EXTL3: variants seen among roughly 807,000 people sequenced by gnomAD.
EXTL3 encodes the protein exostosin like glycosyltransferase 3, also known as exostosin-like 3.
A neutral mutation model predicts 69.3 loss-of-function variants in EXTL3; 27 were observed. The observed-to-expected ratio is 0.39, with a 90% CI of 0.29 to 0.54. The LOEUF (loss-of-function observed/expected upper bound fraction) is 0.54, where lower values mean the gene tolerates loss of function less well. Among genes scored for constraint, EXTL3 ranks in the 20% least tolerant of loss-of-function variants. The probability of loss-of-function intolerance (pLI) is 0.69; values close to 1 mark genes in which losing one functional copy is unlikely to be tolerated. For synonymous variants in EXTL3, 511 were observed against 499.4 expected, an observed-to-expected ratio of 1.02 and a Z score of -0.31; for missense variants, 1,003 against 1,231.8, an observed-to-expected ratio of 0.81 and a Z score of 2.78.
intron 1 of EXTL3, among the ~76,000 whole-genome samples, chr8:28,650,202 A>G (rs1806896356): frequency 6.7e-6 from 1 of 149,968 alleles, no homozygotes; most frequent in African/African-American, 2.5e-5. Flanking sequence ...TCTCAGGAAA[A>G]AAAAAAAAAA....
intron 1 of EXTL3, among the ~76,000 whole-genome samples, chr8:28,651,249 G>A (rs957832054): frequency 2.6e-5 from 4 of 152,048 alleles, no homozygotes; most frequent in African/African-American, 7.2e-5. Context: ...TATTTTCCTA[G>A]GCTTCATCTA....
chr8:28,654,410 G>T (rs1054889169), intron 1 of EXTL3, among the ~76,000 whole-genome samples: 1 of 152,018 alleles, frequency 6.6e-6, no homozygotes, highest in Admixed American at 6.6e-5. Flanking sequence ...ACAGGATCTT[G>T]CTTTGTTGCC....
At chr8:28,708,266 G>C (rs1048333017) in intron 1 of EXTL3, among the ~76,000 whole-genome samples, 1 of 152,072 alleles carries the variant, frequency 6.6e-6, no homozygotes, top group Non-Finnish European at 1.5e-5. Context: ...AGGATGTTCT[G>C]TTTCCCTTTT....
chr8:28,747,269 C>T (rs1334211883), intron 6 of EXTL3, among the ~76,000 whole-genome samples: 4 of 152,166 alleles, frequency 2.6e-5, no homozygotes. Context: ...TCAGTGCTGA[C>T]GTGATCCCGA....
chr8:28,716,685 A>T lies in EXTL3; in HGVS notation c.626A>T (p.Tyr209Phe), dbSNP rs747851404. 6.2e-7 allele frequency: 1 copy of T among 1,614,166 alleles called. No individual in the cohort carries two copies. Among genetic ancestry groups the T allele is most frequent in the Non-Finnish European group, 8.5e-7 (1 of 1,180,028 alleles). ...AGTGACCAGTTTGTCTTTGGCAGCT[A>T]CCTGGATCCCTTGGTCAAGCAGGCT... is the stretch of plus-strand genomic sequence containing the variant. ...YDSDQFVFGS[Y>F]LDPLVKQAFQ... is the part of the protein sequence containing the mutation. Residue 209 changes from tyrosine (Y) to phenylalanine (F), a missense_variant, in exon 3 of 7, where the codon TAC becomes TTC. Transcript: ENST00000220562. The surrounding 1 kb of genome is among the most constrained non-coding windows in gnomAD (Gnocchi z 7.1).
chr8:28,627,320 C>G (rs983707489), intron 1 of EXTL3, among the ~76,000 whole-genome samples: 1 of 151,964 alleles, frequency 6.6e-6, no homozygotes, highest in Admixed American at 6.6e-5. Context: ...CAAAACTCGT[C>G]TCTACAAAAA....
chr8:28,709,160 A>G (rs2299563), intron 1 of EXTL3, among the ~76,000 whole-genome samples: 23,061 of 152,220 alleles, frequency 0.15, 1,789 homozygotes, highest in South Asian at 0.22. Context: ...ACCACATAAC[A>G]TGGGTGACCC....
At chr8:28,703,028 A>T (rs1250621644) in intron 1 of EXTL3, among the ~76,000 whole-genome samples, 1 of 152,218 alleles carries the variant, frequency 6.6e-6, no homozygotes, top group Non-Finnish European at 1.5e-5. Context: ...ATATTTTGTG[A>T]TGAAAGAAAA....
At chr8:28,628,331 C>T (rs182435293) in intron 1 of EXTL3, among the ~76,000 whole-genome samples, 3 of 152,092 alleles carry the variant, frequency 2.0e-5, no homozygotes, top group Non-Finnish European at 4.4e-5. Context: ...CACTGCACTC[C>T]AGCCTGGGCA....
chr8:28,748,690 C>T lies in EXTL3; in HGVS notation c.2551-1967C>T, dbSNP rs77597294. On this transcript the variant is annotated intron_variant, in intron 6 of 6. Transcript: ENST00000220562. Reference sequence around the variant, plus strand: ...AATGGAGATCTCCTACCCGTTGCCCCGGGGAGATGACACATACCTTGTTTA... The same window carrying T: ...AATGGAGATCTCCTACCCGTTGCCCTGGGGAGATGACACATACCTTGTTTA... Among the ~76,000 whole-genome samples, 224 of 152,216 alleles carry T rather than the reference C, an allele frequency of 1.5e-3. 2 individuals are homozygous for T. Among genetic ancestry groups the T allele is most frequent in the African/African-American group, 5.0e-3 (207 of 41,530 alleles).
intron 1 of EXTL3, among the ~76,000 whole-genome samples, chr8:28,630,147 A>G (rs1448723502): frequency 1.3e-5 from 2 of 152,100 alleles, no homozygotes; most frequent in Admixed American, 6.5e-5. Flanking sequence ...GGTGGGAGGT[A>G]ATTGATACAT....
At chr8:28,714,053 C>T (rs1284512057) in intron 2 of EXTL3, among the ~76,000 whole-genome samples, 2 of 151,806 alleles carry the variant, frequency 1.3e-5, no homozygotes, top group African/African-American at 2.4e-5. Flanking sequence ...ATTACAGTTG[C>T]GTGCCACCAC....
At chr8:28,619,500 C>T (rs965097256), upstream of EXTL3, among the ~76,000 whole-genome samples, 5 of 152,028 alleles carry the variant, frequency 3.3e-5, no homozygotes, top group African/African-American at 1.2e-4. Flanking sequence ...ACCCCTGCTG[C>T]TCCTCCCTGG....
intron 5 of EXTL3, among the ~76,000 whole-genome samples, chr8:28,737,937 T>C (rs911570306): frequency 1.4e-5 from 2 of 141,158 alleles, no homozygotes; most frequent in African/African-American, 5.4e-5. Flanking sequence ...TTTGTAAAAC[T>C]GAGGGCACTG....
At chr8:28,714,351 A>G (rs931982411) in intron 2 of EXTL3, among the ~76,000 whole-genome samples, 5 of 152,222 alleles carry the variant, frequency 3.3e-5, no homozygotes, top group Admixed American at 6.5e-5. Context: ...AATTAAAATT[A>G]TGTTTATAAA....
chr8:28,634,842 G>T (rs1364385389), intron 1 of EXTL3, among the ~76,000 whole-genome samples: 1 of 152,056 alleles, frequency 6.6e-6, no homozygotes, highest in South Asian at 2.1e-4. Context: ...TGATCCGCTC[G>T]CTTCGGCCTC....
In EXTL3 at chr8:28,717,925, G is replaced by A. The variant is rs761635451; in HGVS notation, c.1866G>A (p.Val622=). The change falls in exon 3 of 7, where the codon GTG becomes GTA. Residue 622 remains valine (V), a synonymous_variant. Coordinates refer to ENST00000220562, the MANE Select transcript of EXTL3 (RefSeq NM_001440.4). The surrounding 1 kb of genome is among the most constrained non-coding windows in gnomAD (Gnocchi z 8.3). ...TCCCCCACACTCCCTTTGACCCTGT[G>A]TTGCCCTCAGAGGCCAAATTCTTGG... ...HLFPHTPFDP[V]LPSEAKFLGS... is the part of the protein sequence containing the mutation. 1.1e-5 allele frequency: 17 copies of A among 1,614,204 alleles called. No homozygotes were observed. Among genetic ancestry groups the A allele is most frequent in the Non-Finnish European group, 1.4e-5 (17 of 1,180,028 alleles).
At position 28,728,415 on chromosome 8, in the gene EXTL3, C is replaced by G. The variant is rs141838884; in HGVS notation, c.2149-2808C>G. ...ATTGTGGACTCTGAGCTTAGGATAC[C>G]CTGGGCTGTACACTTGGGAATTTTT... On this transcript the variant is annotated intron_variant, in intron 3 of 6. Transcript: ENST00000220562. Among the ~76,000 whole-genome samples, 27 of 152,242 alleles carry G rather than the reference C, an allele frequency of 1.8e-4. No homozygotes were observed. In the East Asian group the frequency reaches 4.4e-3, roughly 25 times the overall value.
At chr8:28,668,271 A>G (rs1563441823) in intron 1 of EXTL3, among the ~76,000 whole-genome samples, 2 of 147,316 alleles carry the variant, frequency 1.4e-5, no homozygotes, top group African/African-American at 2.6e-5. Context: ...AAAAAAAAAA[A>G]AAAAGAAAAG....
Sources: gnomAD v4.1 joint callset for allele counts (sites outside exome capture counted in the v4.1 genomes callset) on GRCh38, gnomAD v4.1.1 for gene constraint, Gnocchi (gnomAD v3.1) non-coding constraint, MANE v1.5 for transcripts, NCBI Gene and HGNC (gene_info 2026-07-23, HGNC 2026-07-21) for gene names.